TIAM1: variants seen among roughly 807,000 people sequenced by gnomAD.
TIAM1 encodes the protein rho guanine nucleotide exchange factor TIAM1.
TIAM1 carries 65 observed loss-of-function variants against 163.5 expected under a neutral mutation model. The observed-to-expected ratio is 0.40, with a 90% CI of 0.33 to 0.49. TIAM1 has a LOEUF of 0.49. Ranked by LOEUF, TIAM1 falls within the 20% of genes least tolerant of loss-of-function variation. TIAM1 has a pLI of 0.77. For missense variants in TIAM1, 1,789 were observed against 2,044.7 expected (o/e 0.87, Z 2.41); for synonymous variants, 833 against 810.1 (o/e 1.03, Z -0.48).
At chr21:31,378,919 T>C (rs2076732702) in intron 2 of TIAM1, among the ~76,000 whole-genome samples, 1 of 152,202 alleles carries the variant, frequency 6.6e-6, no homozygotes, top group Non-Finnish European at 1.5e-5. Flanking sequence ...GCTTATAATA[T>C]ATTGGAGAAT....
At chr21:31,316,322 T>C (rs1280471392) in intron 2 of TIAM1, among the ~76,000 whole-genome samples, 2 of 152,154 alleles carry the variant, frequency 1.3e-5, no homozygotes, top group African/African-American at 4.8e-5. Flanking sequence ...GTTTTATCAC[T>C]GCTTGTTCCC....
chr21:31,277,476 TC>T (rs1161984790), intron 2 of TIAM1, among the ~76,000 whole-genome samples: 1 of 152,150 alleles, frequency 6.6e-6, no homozygotes, highest in African/African-American at 2.4e-5. Context: ...TGAAACCCCA[TC>T]TTTACTAAAA....
chr21:31,388,880 G>A (rs1233105469), intron 2 of TIAM1, among the ~76,000 whole-genome samples: 2 of 152,198 alleles, frequency 1.3e-5, no homozygotes, highest in African/African-American at 4.8e-5. Flanking sequence ...TAAGGTAAAA[G>A]CAAGAAGACA....
chr21:31,482,620 T>C (rs929749904), intron 1 of TIAM1, among the ~76,000 whole-genome samples: 3 of 151,640 alleles, frequency 2.0e-5, no homozygotes, highest in Non-Finnish European at 4.4e-5. Flanking sequence ...TGGTGGGAGG[T>C]GGGAGGAGAG....
At position 31,442,070 on chromosome 21, in the gene TIAM1, AATATATAT is replaced by A. The variant is rs138822110; in HGVS notation, c.-369+21905_-369+21912del. On this transcript the variant is annotated intron_variant, in intron 2 of 28. Coordinates refer to the TIAM1 transcript ENST00000286827. ...GACCCTATCTCAGAACAAATAAATA[AATATATAT>A]ATATATATAGAACAATAAGGGTATT... 8.3e-4 allele frequency among the ~76,000 whole-genome samples: 44 copies of A among 53,230 alleles called. 1 individual carries two copies. The highest frequency in any genetic ancestry group is 2.8e-3 in the African/African-American group (41 of 14,876). The allele number at this position is 53,230 out of a possible 152,430, so 34.9% of individuals were successfully genotyped here. A position where few individuals can be genotyped will look rare whatever the true frequency, so the allele number is the denominator to read the frequency against.
At chr21:31,210,786 G>GAAAGAA (rs1463876474) in intron 10 of TIAM1, among the ~76,000 whole-genome samples, 7 of 140,920 alleles carry the variant, frequency 5.0e-5, no homozygotes, top group Admixed American at 4.1e-4. Flanking sequence ...AAGAAAGAAA[G>GAAAGAA]AAAGAAAGAA....
chr21:31,334,221 A>G (rs1202771692), intron 2 of TIAM1, among the ~76,000 whole-genome samples: 1 of 152,100 alleles, frequency 6.6e-6, no homozygotes, highest in Non-Finnish European at 1.5e-5. Flanking sequence ...CTTTCTTTGA[A>G]GAGGGATTCT....
At chr21:31,302,552 G>A (rs2074545805) in intron 2 of TIAM1, among the ~76,000 whole-genome samples, 1 of 152,118 alleles carries the variant, frequency 6.6e-6, no homozygotes, top group Non-Finnish European at 1.5e-5. Flanking sequence ...AATGAGCTGG[G>A]CAAGAAGACA....
At chr21:31,407,614 A>G (rs1224672431) in intron 2 of TIAM1, among the ~76,000 whole-genome samples, 19 of 144,746 alleles carry the variant, frequency 1.3e-4, no homozygotes, top group African/African-American at 4.9e-4. Flanking sequence ...TTTTCAAATG[A>G]GTCATTTGCT....
At chr21:31,180,782 A>G (rs2084977203) in intron 15 of TIAM1, among the ~76,000 whole-genome samples, 1 of 152,220 alleles carries the variant, frequency 6.6e-6, no homozygotes, top group African/African-American at 2.4e-5. Flanking sequence ...CTCCTTTACT[A>G]AGGGTACACA....
chr21:31,290,518 G>A (rs1601841564), intron 2 of TIAM1, among the ~76,000 whole-genome samples: 3 of 151,670 alleles, frequency 2.0e-5, no homozygotes, highest in South Asian at 2.1e-4. Context: ...ATGACGGCGC[G>A]TGCCTGTAAT....
intron 15 of TIAM1, among the ~76,000 whole-genome samples, chr21:31,168,330 G>A (rs911434037): frequency 3.9e-5 from 6 of 151,996 alleles, no homozygotes; most frequent in African/African-American, 1.5e-4. Flanking sequence ...GACCTCAGGT[G>A]ATCTGCCCAC....
chr21:31,227,995 C>T (rs902834273), intron 6 of TIAM1, among the ~76,000 whole-genome samples: 2 of 151,630 alleles, frequency 1.3e-5, no homozygotes, highest in Non-Finnish European at 2.9e-5. Flanking sequence ...CTCCGCCTCC[C>T]GAGTTCAAGT....
intron 15 of TIAM1, among the ~76,000 whole-genome samples, chr21:31,173,456 T>C (rs776118551): frequency 2.0e-5 from 3 of 150,142 alleles, no homozygotes; most frequent in Non-Finnish European, 3.0e-5. Context: ...TAAATACCCA[T>C]AATAACATCA....
At chr21:31,302,337 A>G (rs2074538885) in intron 2 of TIAM1, among the ~76,000 whole-genome samples, 4 of 152,214 alleles carry the variant, frequency 2.6e-5, no homozygotes, top group Admixed American at 2.6e-4. Context: ...TTCAACCTTG[A>G]ATGTTTTCAC....
intron 2 of TIAM1, among the ~76,000 whole-genome samples, chr21:31,397,934 T>C (rs928786887): frequency 2.0e-5 from 3 of 152,104 alleles, no homozygotes; most frequent in Admixed American, 6.5e-5. Context: ...GGATGAACCA[T>C]GGAATACCTG....
Position 31,223,588 on chromosome 21 carries a change from A to C in TIAM1, c.1813T>G (p.Phe605Val). ...TGCTCGAGATTTTGCTCCCAGACAA[A>C]GATCTATGGTAGTGAAAACACGGGA... The part of the protein sequence containing the change: ...KKKKTILDQI[F>V]VWEQNLEQFQ... The change falls in exon 8 of 28, where the codon TTT (phenylalanine) becomes GTT (valine). Residue 605 changes from phenylalanine to valine, a missense_variant. Coordinates refer to ENST00000541036, the MANE Select transcript of TIAM1 (RefSeq NM_001353694.2). 1 of 1,593,804 alleles carries C rather than the reference A, an allele frequency of 6.3e-7. No homozygotes were observed. Among genetic ancestry groups the C allele is most frequent in the Non-Finnish European group, 8.5e-7 (1 of 1,169,986 alleles).
chr21:31,334,524 A>T (rs923916448), intron 2 of TIAM1, among the ~76,000 whole-genome samples: 1 of 152,190 alleles, frequency 6.6e-6, no homozygotes, highest in Non-Finnish European at 1.5e-5. Flanking sequence ...CCCACTGATA[A>T]GGGCACCTAA....
At chr21:31,130,840 A>C (rs764753454) in intron 24 of TIAM1, 50 bp downstream of exon 24, 1 of 1,539,580 alleles carries the variant, frequency 6.5e-7, no homozygotes, top group East Asian at 2.2e-5. Context: ...ATAACTGATA[A>C]GCAGATAGAG....
Sources: allele counts gnomAD v4.1 joint callset (sites outside exome capture counted in the v4.1 genomes callset), GRCh38; gene constraint gnomAD v4.1.1; transcripts MANE v1.5; gene names NCBI Gene and HGNC (gene_info 2026-07-23, HGNC 2026-07-21).